The following COQ6 variants were observed in gnomAD, a reference collection of about 807,000 sequenced individuals.
The protein encoded by COQ6 is coenzyme Q6, monooxygenase.
A neutral mutation model predicts 55.5 loss-of-function variants in COQ6; 45 were observed. That is an observed-to-expected ratio of 0.81 (90% CI 0.64 to 1.04). The LOEUF (loss-of-function observed/expected upper bound fraction) is 1.04. Among genes scored for constraint, COQ6 ranks in the 50% least tolerant of loss-of-function variants. The pLI is 0.00. For missense variants in COQ6, 550 were observed against 601.3 expected (o/e 0.91, Z 0.89); for synonymous variants, 206 against 230.5 (o/e 0.89, Z 0.96).
At chr14:73,958,939 G>T in intron 5 of COQ6, 32 bp from the exon 6 acceptor site, 1 of 1,612,608 alleles carries the variant, frequency 6.2e-7, no homozygotes, top group East Asian at 2.2e-5. Flanking sequence ...TGAAGAGGCT[G>T]GAAGACTTAG....
Position 73,963,145 on chromosome 14 carries a change from G to C in COQ6, c.*146G>C, listed in dbSNP as rs72627142. ...TTTCTTCTTTGCTTAATGGGCCTGT[G>C]GCACCCAAATAATGAATGATAATTT... On this transcript the variant is annotated 3_prime_UTR_variant, in exon 12 of 12. Transcript: ENST00000334571. The C allele has an allele frequency of 0.068, 51,176 of 754,758 alleles. 3,445 individuals carry two copies. Among genetic ancestry groups the C allele is most frequent in the East Asian group, 0.31 (11,690 of 37,276 alleles). The allele number at this position is 754,758 out of a possible 1,614,324, so 46.8% of individuals were successfully genotyped here.
rs3180946 is a variant in COQ6 at position 73,958,235 on chromosome 14, T to C, written c.570T>C (p.His190=). Residue 190 remains histidine (H), a synonymous_variant, in exon 5 of 12, where the codon CAT becomes CAC. Coordinates refer to ENST00000334571, the MANE Select transcript of COQ6 (RefSeq NM_182476.3). ...FPMADSSPWV[H]ITLGDGSTFQ... ...TGGCCGACTCCAGCCCTTGGGTTCA[T>C]ATTACCCTAGGTGATGGCAGCACCT... 618,552 of 1,613,646 alleles carry C rather than the reference T, an allele frequency of 0.38. 127,676 individuals carry two copies. Among genetic ancestry groups the C allele is most frequent in the Non-Finnish European group, 0.43 (502,089 of 1,179,680 alleles).
chr14:73,955,985 C>G, intron 4 of COQ6, 57 bp downstream of exon 4: 1 of 1,608,910 alleles, frequency 6.2e-7, no homozygotes, highest in Non-Finnish European at 8.5e-7. Flanking sequence ...TTAGGACTTA[C>G]TGGAAGAAAG....
intron 1 of COQ6, among the ~76,000 whole-genome samples, chr14:73,951,236 T>TC (rs1409876004): frequency 5.9e-5 from 9 of 152,146 alleles, no homozygotes; most frequent in African/African-American, 1.9e-4. Flanking sequence ...GCTCAAGCAA[T>TC]CCACCTGCCT....
intron 2 of COQ6, chr14:73,953,823 G>A (rs558153728): frequency 3.9e-6 from 2 of 509,228 alleles, no homozygotes; most frequent in East Asian, 3.1e-5. Context: ...CACTTGTGAT[G>A]TTGTGTCATT....
chr14:73,963,183 G>A lies in COQ6; in HGVS notation c.*184G>A, dbSNP rs1046283665. On this transcript the variant is annotated 3_prime_UTR_variant, in exon 12 of 12. Transcript: ENST00000334571. ...TGAATGATAATTTGCTGTGAGGAGCGTATATTAGCCAGACCAAAGGAAAAA... is the reference window on the plus strand; with the variant it reads ...TGAATGATAATTTGCTGTGAGGAGCATATATTAGCCAGACCAAAGGAAAAA... 6 of 679,180 alleles carry A rather than the reference G, an allele frequency of 8.8e-6. No individual in the cohort carries two copies. The highest frequency in any genetic ancestry group is 4.0e-4 in the Middle Eastern group (1 of 2,522). The allele number at this position is 679,180 out of a possible 1,614,324, so 42.1% of individuals were successfully genotyped here. A position where few individuals can be genotyped will look rare whatever the true frequency, so the allele number is the denominator to read the frequency against.
chr14:73,953,046 T>C (rs2056261676), intron 1 of COQ6, among the ~76,000 whole-genome samples: 1 of 152,232 alleles, frequency 6.6e-6, no homozygotes, highest in African/African-American at 2.4e-5. Context: ...TTATTCCACT[T>C]TTTCTTTTGA....
chr14:73,962,053 T>A lies in COQ6; in HGVS notation c.1377+150T>A, dbSNP rs1373405047. 3.3e-6 allele frequency: 3 copies of A among 908,788 alleles called. No homozygotes were observed. The East Asian group carries it at 7.9e-5, about 24-fold the overall frequency. The allele number at this position is 908,788 out of a possible 1,614,324, so 56.3% of individuals were successfully genotyped here. A position where few individuals can be genotyped will look rare whatever the true frequency, so the allele number is the denominator to read the frequency against. Reference sequence around the variant, plus strand: ...GCCTCTGCCTCCCAGGTTCAAGTGATTATCCTGCCTCAGCCTCCCAAGTAG... The same window carrying A: ...GCCTCTGCCTCCCAGGTTCAAGTGAATATCCTGCCTCAGCCTCCCAAGTAG... On this transcript the variant is annotated intron_variant, in intron 11 of 11. Transcript: ENST00000334571.
chr14:73,952,114 C>CTTTTTTTTTTTTT (rs869273031), intron 1 of COQ6, among the ~76,000 whole-genome samples: 1 of 73,728 alleles, frequency 1.4e-5, no homozygotes, highest in Admixed American at 2.1e-4. Flanking sequence ...CTGGAGCTAA[C>CTTTTTTTTTTTTT]TTTTTTTTTT....
chr14:73,951,196 A>C lies in COQ6; in HGVS notation c.163+701A>C, dbSNP rs188540170. Among the ~76,000 whole-genome samples, 5 of 152,094 alleles carry C rather than the reference A, an allele frequency of 3.3e-5. No individual in the cohort carries two copies. In the South Asian group the frequency reaches 1.0e-3, roughly 32 times the overall value. ...TTTTTTGTAGAGACGAGGTCTCACT[A>C]TGTTGCCCAGGCTGGTCTGGAACTT... is the stretch of plus-strand genomic sequence containing the variant. On this transcript the variant is annotated intron_variant, in intron 1 of 11. Transcript: ENST00000334571.
chr14:73,960,521 G>A, intron 8 of COQ6: 1 of 996,724 alleles, frequency 1.0e-6, no homozygotes, highest in Non-Finnish European at 1.2e-6. Context: ...GAGATAAATG[G>A]TGAACACTAC....
At position 73,961,395 on chromosome 14, in the gene COQ6, G is replaced by A; in HGVS notation, c.1094+20G>A. 1 of 1,614,128 alleles carries A rather than the reference G, an allele frequency of 6.2e-7. No homozygotes were observed. Among genetic ancestry groups the A allele is most frequent in the Non-Finnish European group, 8.5e-7 (1 of 1,180,018 alleles). Reference sequence around the variant, plus strand: ...CATTGGGTAAGACGATAACAGAGCAGGGCCACTCCCTTCTCACTTTGCTGC... The same window carrying A: ...CATTGGGTAAGACGATAACAGAGCAAGGCCACTCCCTTCTCACTTTGCTGC... On this transcript the variant is annotated intron_variant, in intron 9 of 11. Coordinates refer to ENST00000334571, the MANE Select transcript of COQ6 (RefSeq NM_182476.3).
intron 4 of COQ6, 35 bp from the exon 5 acceptor site, chr14:73,958,112 T>G: frequency 6.3e-7 from 1 of 1,578,858 alleles, no homozygotes; most frequent in Non-Finnish European, 8.7e-7. Context: ...TGGCCCACCT[T>G]TCTAATTTTT....
intron 4 of COQ6, 179 bp downstream of exon 4, chr14:73,956,107 G>A (rs1487033004): frequency 2.0e-5 from 14 of 694,368 alleles, no homozygotes; most frequent in East Asian, 9.6e-5. Context: ...GGCGGATCAC[G>A]AGGTCAGGAG....
upstream of COQ6, chr14:73,949,943 T>G (rs116578534): frequency 3.1e-3 from 5,005 of 1,611,776 alleles, 135 homozygotes; most frequent in African/African-American, 0.055. Context: ...GGGATTCCTT[T>G]CCCGGGGGCA....
chr14:73,957,399 C>T (rs1258892658), intron 4 of COQ6, among the ~76,000 whole-genome samples: 3 of 152,146 alleles, frequency 2.0e-5, no homozygotes, highest in Non-Finnish European at 2.9e-5. Flanking sequence ...TTATTTAAAT[C>T]GCTTTGTTGA....
Position 73,959,151 on chromosome 14 carries a change from C to T in COQ6, c.721-11C>T, listed in dbSNP as rs373668656. 6.2e-7 allele frequency: 1 copy of T among 1,614,064 alleles called. No individual in the cohort carries two copies. The highest frequency in any genetic ancestry group is 1.3e-5 in the African/African-American group (1 of 74,922). ...TACTTCACAGAGAAACTTTTCTCCTCTCTGTTGCAGGCCACAGAAAACAAC... is the reference window on the plus strand; with the variant it reads ...TACTTCACAGAGAAACTTTTCTCCTTTCTGTTGCAGGCCACAGAAAACAAC... On this transcript the variant is annotated splice_polypyrimidine_tract_variant and intron_variant, in intron 6 of 11. Transcript: ENST00000334571.
upstream of COQ6, chr14:73,950,155 C>T (rs745550952): frequency 6.9e-6 from 11 of 1,588,590 alleles, no homozygotes; most frequent in Non-Finnish European, 9.4e-6. Context: ...GGGCAGCCTC[C>T]GATCCATCCC....
At chr14:73,962,805 A>T in intron 11 of COQ6, 165 bp from the exon 12 acceptor site, 1 of 642,648 alleles carries the variant, frequency 1.6e-6, no homozygotes, top group East Asian at 2.7e-5. Context: ...CAACAGAGTG[A>T]GACCCTGTCT....
Sources: gnomAD v4.1 joint callset for allele counts (sites outside exome capture counted in the v4.1 genomes callset) on GRCh38, gnomAD v4.1.1 for gene constraint, MANE v1.5 for transcripts, NCBI Gene and HGNC (gene_info 2026-07-23, HGNC 2026-07-21) for gene names.